Variants in PCDHGA7 observed in about 807,000 individuals in gnomAD.
PCDHGA7 encodes the protein protocadherin gamma subfamily A, 7, also known as protocadherin gamma-A7.
A neutral mutation model predicts 58.3 loss-of-function variants in PCDHGA7; 44 were observed. That is an observed-to-expected ratio of 0.75 (90% confidence interval 0.59 to 0.97). The LOEUF (loss-of-function observed/expected upper bound fraction) is 0.97. Ranked by LOEUF, PCDHGA7 falls within the 50% of genes least tolerant of loss-of-function variation. The pLI is 0.00. For missense variants in PCDHGA7, 1,266 were observed against 1,188.7 expected, an observed-to-expected ratio of 1.06 and a Z score of -0.96; for synonymous variants, 516 against 504.2, an observed-to-expected ratio of 1.02 and a Z score of -0.31.
In PCDHGA7 at chr5:141,417,855, G is replaced by T. The variant is rs1436078486; in HGVS notation, c.2424+32532G>T. The T allele has an allele frequency of 2.6e-6, 4 of 1,544,916 alleles. No individual in the cohort carries two copies. In the Admixed American group the frequency reaches 8.0e-5, roughly 31 times the overall value. ...GCGGGGACCCAGCGAGAACCCGAGC[G>T]AACGATGGGAGGGAGCTGCGCGCAG... On this transcript the variant is annotated intron_variant, in intron 1 of 3. Transcript: ENST00000518325.
intron 1 of PCDHGA7, among the ~76,000 whole-genome samples, chr5:141,435,314 G>C (rs1490871069): frequency 6.6e-6 from 1 of 152,006 alleles, no homozygotes; most frequent in African/African-American, 2.4e-5. Flanking sequence ...AATCATTCAT[G>C]AACTTCCAAA....
chr5:141,418,883 G>A (rs376245268), intron 1 of PCDHGA7: 5 of 1,613,960 alleles, frequency 3.1e-6, no homozygotes, highest in East Asian at 2.2e-5. Flanking sequence ...AGACGAAAAC[G>A]ACAACAGCCC....
At chr5:141,479,798 G>A (rs892288776) in intron 1 of PCDHGA7, among the ~76,000 whole-genome samples, 3 of 152,116 alleles carry the variant, frequency 2.0e-5, no homozygotes, top group African/African-American at 7.2e-5. Flanking sequence ...ATTAATTCAG[G>A]GTGGTATGCA....
chr5:141,442,343 G>A (rs1300318674), intron 1 of PCDHGA7: 1 of 152,336 alleles, frequency 6.6e-6, no homozygotes, highest in African/African-American at 2.4e-5. Context: ...CAGGTTTCTG[G>A]GTAACTGTAG....
rs746408347 is a variant in PCDHGA7 at position 141,486,293 on chromosome 5, G to A, written c.2425-8514G>A. ...TGGCACTGTGGTGGCACTTATCAGT[G>A]TGCAGGATCCAGACTCAGGGTCAAA... On this transcript the variant is annotated intron_variant, in intron 1 of 3. Transcript: ENST00000518325. This position sits in a 1 kb window ranked among gnomAD's most constrained non-coding sequence, Gnocchi z 5.0. The A allele has an allele frequency of 3.1e-6, 5 of 1,614,018 alleles. No homozygotes were observed. In the Admixed American group the frequency reaches 8.3e-5, roughly 27 times the overall value.
chr5:141,395,448 T>C, intron 1 of PCDHGA7: 1 of 647,116 alleles, frequency 1.5e-6, no homozygotes, highest in Non-Finnish European at 2.5e-6. Flanking sequence ...GAAAAGATTG[T>C]TCAACCATTT....
In PCDHGA7 at chr5:141,440,050, G is replaced by C. The variant is rs747798063; in HGVS notation, c.2424+54727G>C. On this transcript the variant is annotated intron_variant, in intron 1 of 3. Coordinates refer to ENST00000518325, the MANE Select transcript of PCDHGA7 (RefSeq NM_018920.4). ...GTGTCGAGGACATGCCCACTTGAAA[G>C]CTTCGGGTTAATGCTGAGGAATAAT... 6 of 152,826 alleles carry C rather than the reference G, an allele frequency of 3.9e-5. No homozygotes were observed. The East Asian group carries it at 1.2e-3, about 29-fold the overall frequency. 9.5% of individuals were successfully genotyped at this position (152,826 alleles called of 1,614,324 possible). A position where few individuals can be genotyped will look rare whatever the true frequency, so the allele number is the denominator to read the frequency against.
At chr5:141,500,227 G>T (rs959087347) in intron 2 of PCDHGA7, among the ~76,000 whole-genome samples, 15 of 116,224 alleles carry the variant, frequency 1.3e-4, no homozygotes, top group African/African-American at 2.9e-4. Context: ...TTTATTTATT[G>T]ATACGTAGCC....
intron 1 of PCDHGA7, among the ~76,000 whole-genome samples, chr5:141,387,402 T>C (rs953681527): frequency 6.6e-5 from 10 of 152,186 alleles, no homozygotes; most frequent in African/African-American, 2.4e-4. Context: ...TGTTTGAAGA[T>C]TGGGGAAAGC....
intron 1 of PCDHGA7, chr5:141,415,110 C>A: frequency 6.2e-7 from 1 of 1,613,666 alleles, no homozygotes; most frequent in Middle Eastern, 1.7e-4. Flanking sequence ...TCAAGCAAAG[C>A]CTCGTAGTGG....
chr5:141,394,395 C>G (rs1238779909), intron 1 of PCDHGA7: 2 of 1,614,146 alleles, frequency 1.2e-6, no homozygotes, highest in Non-Finnish European at 1.7e-6. Context: ...GATCCGAGAC[C>G]TGCAGCTACT....
In PCDHGA7 at chr5:141,382,842, A is replaced by C; in HGVS notation, c.-58A>C. On this transcript the variant is annotated 5_prime_UTR_variant, in exon 1 of 4. Transcript: ENST00000518325. ...AAGACAGAGGGGTCCACCCGGATAC[A>C]CCCGCATTCTGAAGCACTTCCCGAG... 3 of 1,464,302 alleles carry C rather than the reference A, an allele frequency of 2.0e-6. No homozygotes were observed. The highest frequency in any genetic ancestry group is 2.8e-6 in the Non-Finnish European group (3 of 1,087,530). The allele number at this position is 1,464,302 out of a possible 1,614,324, so 90.7% of individuals were successfully genotyped here. A position where few individuals can be genotyped will look rare whatever the true frequency, so the allele number is the denominator to read the frequency against.
chr5:141,437,355 A>C (rs2097877902), intron 1 of PCDHGA7, among the ~76,000 whole-genome samples: 1 of 152,238 alleles, frequency 6.6e-6, no homozygotes, highest in Non-Finnish European at 1.5e-5. Flanking sequence ...ATAGTACCTA[A>C]AATTGGAATG....
At chr5:141,394,021 GA>G (rs2092902279) in intron 1 of PCDHGA7, 1 of 1,613,362 alleles carries the variant, frequency 6.2e-7, no homozygotes, top group Non-Finnish European at 8.5e-7. Context: ...AATTATTATA[GA>G]TTAGTGACAA....
intron 1 of PCDHGA7, among the ~76,000 whole-genome samples, chr5:141,483,322 G>C (rs1325809962): frequency 1.3e-5 from 2 of 152,110 alleles, no homozygotes. Flanking sequence ...TGGGACTGGA[G>C]GCAAAGAGAT....
At chr5:141,499,689 CT>C (rs545067566) in intron 2 of PCDHGA7, among the ~76,000 whole-genome samples, 4,434 of 119,828 alleles carry the variant, frequency 0.037, 46 homozygotes, top group African/African-American at 0.083. Context: ...TAACAGATGA[CT>C]TTTTTTTTTT....
chr5:141,433,849 A>C (rs116534867), intron 1 of PCDHGA7, among the ~76,000 whole-genome samples: 2,948 of 152,020 alleles, frequency 0.019, 43 homozygotes, highest in African/African-American at 0.028. Context: ...AAAAAAAAAA[A>C]AAAAAACTTT....
At chr5:141,399,762 C>T (rs1415096807) in intron 1 of PCDHGA7, 4 of 1,613,352 alleles carry the variant, frequency 2.5e-6, no homozygotes, top group Non-Finnish European at 2.5e-6. Flanking sequence ...TGAGCCTGCG[C>T]GTGTTGGTGG....
chr5:141,510,280 A>G (rs1218058358), intron 3 of PCDHGA7, among the ~76,000 whole-genome samples: 1 of 151,892 alleles, frequency 6.6e-6, no homozygotes, highest in Non-Finnish European at 1.5e-5. Context: ...CTTAAAAAAA[A>G]AAAAAAAAAA....
Sources: allele counts gnomAD v4.1 joint callset (sites outside exome capture counted in the v4.1 genomes callset), GRCh38; gene constraint gnomAD v4.1.1; non-coding constraint Gnocchi (gnomAD v3.1); transcripts MANE v1.5; gene names NCBI Gene and HGNC (gene_info 2026-07-23, HGNC 2026-07-21).